Variants in AGBL1 observed in about 807,000 individuals in gnomAD.
The protein encoded by AGBL1 is cytosolic carboxypeptidase 4.
AGBL1 carries 130 observed loss-of-function variants against 118.9 expected under a neutral mutation model. The ratio of observed to expected loss-of-function variants is 1.09; its 90% CI spans 0.95 to 1.26. The LOEUF is 1.26. Ranked by LOEUF, AGBL1 falls within the 50% of genes most tolerant of loss-of-function variation. AGBL1 has a pLI of 0.00. For missense variants in AGBL1, 1,584 were observed against 1,298.1 expected (o/e 1.22, Z -3.38); for synonymous variants, 555 against 478.9 (o/e 1.16, Z -2.08).
intron 5 of AGBL1, among the ~76,000 whole-genome samples, chr15:86,174,281 A>T (rs527674929): frequency 6.6e-6 from 1 of 151,906 alleles, no homozygotes; most frequent in African/African-American, 2.4e-5. Context: ...AATACTACTG[A>T]TATTTGTTGA....
At chr15:87,029,509 C>T (rs1482957557), downstream of AGBL1, among the ~76,000 whole-genome samples, 1 of 143,210 alleles carries the variant, frequency 7.0e-6, no homozygotes, top group Non-Finnish European at 1.5e-5. Flanking sequence ...ACAACAACGA[C>T]AGCAACATTA....
At chr15:86,501,995 T>C (rs987723595) in intron 18 of AGBL1, among the ~76,000 whole-genome samples, 1 of 151,622 alleles carries the variant, frequency 6.6e-6, no homozygotes, top group Non-Finnish European at 1.5e-5. Flanking sequence ...GATGGACTTA[T>C]GATAGAGATT....
chr15:86,573,011 A>C (rs891263682), intron 21 of AGBL1, among the ~76,000 whole-genome samples: 1 of 152,244 alleles, frequency 6.6e-6, no homozygotes. Context: ...CCCTAAATGT[A>C]AATGAGAACT....
chr15:86,776,908 A>G (rs1044791520), intron 22 of AGBL1, among the ~76,000 whole-genome samples: 1 of 151,936 alleles, frequency 6.6e-6, no homozygotes, highest in Non-Finnish European at 1.5e-5. Context: ...GTGTTAAAAT[A>G]TGTGATTTTT....
At chr15:86,263,895 A>G (rs1225874246) in intron 10 of AGBL1, among the ~76,000 whole-genome samples, 1 of 152,210 alleles carries the variant, frequency 6.6e-6, no homozygotes, top group East Asian at 1.9e-4. Context: ...TCAGTTTAGT[A>G]TAAAAATTTT....
chr15:86,429,425 C>T (rs1036189096), intron 18 of AGBL1, among the ~76,000 whole-genome samples: 4 of 152,128 alleles, frequency 2.6e-5, no homozygotes, highest in South Asian at 2.1e-4. Flanking sequence ...GATTTTTCTT[C>T]GAAAGTAAAA....
At chr15:86,580,584 A>G (rs2084160112) in intron 21 of AGBL1, among the ~76,000 whole-genome samples, 1 of 152,106 alleles carries the variant, frequency 6.6e-6, no homozygotes, top group Admixed American at 6.6e-5. Context: ...TTTAGTTGAC[A>G]TAATAATTGT....
intron 1 of AGBL1, among the ~76,000 whole-genome samples, chr15:86,122,695 AG>A: frequency 6.6e-6 from 1 of 152,226 alleles, no homozygotes; most frequent in East Asian, 1.9e-4. Context: ...TGTGAAAAAA[AG>A]GTGTAAACCA....
In AGBL1 at chr15:86,910,038, C is replaced by G. The variant is rs1354958766; in HGVS notation, c.*2744C>G. ...AGACCTATTTTGTGCCCTCAGTAAC[C>G]AGACAAAGAAGAACAATAAACATTC... On this transcript the variant is annotated 3_prime_UTR_variant, in exon 23 of 23. Transcript: ENST00000614907. 1.3e-5 allele frequency: 2 copies of G among 152,188 alleles called. No homozygotes were observed. Among genetic ancestry groups the G allele is most frequent in the African/African-American group, 2.4e-5 (1 of 41,438 alleles). The allele number at this position is 152,188 out of a possible 1,614,324, so 9.4% of individuals were successfully genotyped here. A position where few individuals can be genotyped will look rare whatever the true frequency, so the allele number is the denominator to read the frequency against.
At chr15:86,405,415 G>A (rs889891505) in intron 18 of AGBL1, among the ~76,000 whole-genome samples, 2 of 151,958 alleles carry the variant, frequency 1.3e-5, no homozygotes, top group East Asian at 3.9e-4. Context: ...ACTTGGGAGG[G>A]TGAGACAGGA....
intron 1 of AGBL1, among the ~76,000 whole-genome samples, chr15:86,111,764 CCA>C (rs759593327): frequency 3.3e-5 from 5 of 152,158 alleles, no homozygotes; most frequent in African/African-American, 4.8e-5. Context: ...AACCCCCGGG[CCA>C]CAGACTGGTA....
At chr15:86,879,067 G>A (rs142147212) in intron 22 of AGBL1, among the ~76,000 whole-genome samples, 271 of 152,300 alleles carry the variant, frequency 1.8e-3, no homozygotes, top group African/African-American at 6.3e-3. Flanking sequence ...GTCCCAGAAG[G>A]CAGAAGTCTT....
intron 22 of AGBL1, among the ~76,000 whole-genome samples, chr15:86,727,485 C>T (rs76347859): frequency 0.011 from 1,737 of 152,210 alleles, 59 homozygotes; most frequent in East Asian, 0.11. Flanking sequence ...AACTAATGAA[C>T]ATAGTCCTTG....
chr15:86,578,421 G>A (rs758489449), intron 21 of AGBL1, among the ~76,000 whole-genome samples: 4 of 152,186 alleles, frequency 2.6e-5, no homozygotes, highest in Non-Finnish European at 5.9e-5. Flanking sequence ...ATAGCCAGAA[G>A]GGACTTGCCT....
rs531518954 is a variant in AGBL1 at position 86,125,553 on chromosome 15, A to G, written c.52-16451A>G. On this transcript the variant is annotated intron_variant, in intron 1 of 22. Coordinates refer to ENST00000614907, the MANE Select transcript of AGBL1 (RefSeq NM_001386094.1). ...GAACATCTAATAGTCTTAATAAACAATTGATTAATGGATATATAGAAGGAC... is the reference window on the plus strand; with the variant it reads ...GAACATCTAATAGTCTTAATAAACAGTTGATTAATGGATATATAGAAGGAC... Among the ~76,000 whole-genome samples the G allele has an allele frequency of 9.2e-5, 14 of 152,346 alleles. No homozygotes were observed. The South Asian group carries it at 2.9e-3, about 32-fold the overall frequency.
At chr15:86,954,199 G>T (rs2080907707) in intron 23 of AGBL1, among the ~76,000 whole-genome samples, 1 of 152,198 alleles carries the variant, frequency 6.6e-6, no homozygotes, top group African/African-American at 2.4e-5. Context: ...TGTTGGTAAG[G>T]ATGGAAATTA....
At chr15:86,355,605 A>G (rs898075787) in intron 17 of AGBL1, among the ~76,000 whole-genome samples, 3 of 152,166 alleles carry the variant, frequency 2.0e-5, no homozygotes, top group Admixed American at 6.5e-5. Flanking sequence ...ATATGTATGT[A>G]TCTGTGTTTA....
intron 7 of AGBL1, among the ~76,000 whole-genome samples, chr15:86,253,764 A>G (rs868022174): frequency 6.6e-6 from 1 of 152,218 alleles, no homozygotes; most frequent in African/African-American, 2.4e-5. Context: ...ATGCAACCAA[A>G]TTCACCATCT....
chr15:86,108,977 A>G (rs769393346), intron 1 of AGBL1, among the ~76,000 whole-genome samples: 15 of 152,218 alleles, frequency 9.9e-5, no homozygotes, highest in Admixed American at 2.6e-4. Context: ...ACAATCAAAC[A>G]AACAAAATCA....
Sources: allele counts gnomAD v4.1 joint callset (sites outside exome capture counted in the v4.1 genomes callset), GRCh38; gene constraint gnomAD v4.1.1; transcripts MANE v1.5; gene names NCBI Gene and HGNC (gene_info 2026-07-23, HGNC 2026-07-21).